The following WDFY4 variants were observed in gnomAD, a reference collection of about 807,000 sequenced individuals.
WDFY4 encodes the protein WDFY family member 4, also known as WD repeat- and FYVE domain-containing protein 4.
A neutral mutation model predicts 351.9 loss-of-function variants in WDFY4; 169 were observed. That is an observed-to-expected ratio of 0.48 (90% CI 0.42 to 0.55). WDFY4 has a LOEUF of 0.55. Ranked by LOEUF, WDFY4 falls within the 20% of genes least tolerant of loss-of-function variation. The pLI, the probability that WDFY4 is intolerant of heterozygous loss-of-function variation, is 0.00. For missense variants in WDFY4, 3,803 were observed against 3,935.6 expected, an observed-to-expected ratio of 0.97 and a Z score of 0.90; for synonymous variants, 1,622 against 1,574.6, an observed-to-expected ratio of 1.03 and a Z score of -0.71.
At chr10:48,846,477 G>A (rs769524631) in intron 39 of WDFY4, among the ~76,000 whole-genome samples, 2 of 152,212 alleles carry the variant, frequency 1.3e-5, no homozygotes, top group African/African-American at 2.4e-5. Context: ...TGCCCATCTT[G>A]AAGGCCTTCG....
chr10:48,777,566 G>A, intron 17 of WDFY4, 71 bp downstream of exon 17: 2 of 1,410,300 alleles, frequency 1.4e-6, no homozygotes, highest in South Asian at 1.2e-5. Flanking sequence ...AGCCTTGATT[G>A]CAGATTTTTA....
intron 39 of WDFY4, among the ~76,000 whole-genome samples, chr10:48,835,411 A>G (rs969200827): frequency 1.3e-5 from 2 of 152,158 alleles, no homozygotes; most frequent in African/African-American, 4.8e-5. Context: ...TCAGGCAGAG[A>G]GGACAGTTGG....
chr10:48,779,858 C>A, intron 18 of WDFY4, 83 bp from the exon 19 acceptor site: 1 of 1,477,782 alleles, frequency 6.8e-7, no homozygotes, highest in Non-Finnish European at 9.1e-7. Context: ...CAGTGGTTGA[C>A]GTCCGCCTAT....
At chr10:48,789,770 C>A in intron 21 of WDFY4, 104 bp from the exon 22 acceptor site, 1 of 1,009,950 alleles carries the variant, frequency 9.9e-7, no homozygotes, top group Non-Finnish European at 1.5e-6. Flanking sequence ...GATGGAGTGT[C>A]AGCACTGGGC....
At chr10:48,843,371 A>G (rs1237993751) in intron 39 of WDFY4, among the ~76,000 whole-genome samples, 3 of 152,196 alleles carry the variant, frequency 2.0e-5, no homozygotes, top group Non-Finnish European at 4.4e-5. Flanking sequence ...CAATATTTTA[A>G]TTTACTTAAA....
chr10:48,713,880 A>G (rs1187645385), intron 2 of WDFY4, among the ~76,000 whole-genome samples: 5 of 152,186 alleles, frequency 3.3e-5, no homozygotes, highest in African/African-American at 1.2e-4. Context: ...AAATGAGACT[A>G]AGAGATGAAA....
chr10:48,787,906 C>CTTTCT (rs1565198641), intron 20 of WDFY4, among the ~76,000 whole-genome samples: 1 of 32,310 alleles, frequency 3.1e-5, no homozygotes. Flanking sequence ...TCTTCTTCTT[C>CTTTCT]TTCTTCTTCT....
intron 2 of WDFY4, among the ~76,000 whole-genome samples, chr10:48,719,184 T>C (rs1252080837): frequency 2.6e-5 from 4 of 152,356 alleles, no homozygotes; most frequent in Admixed American, 1.3e-4. Context: ...GCAGTTATAT[T>C]ATGGCCTATC....
chr10:48,694,630 C>G (rs1005374979), intron 1 of WDFY4, among the ~76,000 whole-genome samples: 1 of 152,180 alleles, frequency 6.6e-6, no homozygotes. Flanking sequence ...CTCCGTGAGA[C>G]AAGCACCATG....
At chr10:48,914,070 T>C (rs1010209483) in intron 47 of WDFY4, 4 of 1,614,202 alleles carry the variant, frequency 2.5e-6, no homozygotes, top group Non-Finnish European at 2.5e-6. Context: ...AAGGCGCTTT[T>C]TCCCATCAAA....
At chr10:48,728,282 C>T (rs753564884) in intron 7 of WDFY4, among the ~76,000 whole-genome samples, 4 of 152,218 alleles carry the variant, frequency 2.6e-5, no homozygotes, top group Non-Finnish European at 5.9e-5. Flanking sequence ...GAAACCCAAG[C>T]TCAGACACCG....
chr10:48,911,290 G>A (rs1837978011), intron 47 of WDFY4, among the ~76,000 whole-genome samples: 1 of 152,198 alleles, frequency 6.6e-6, no homozygotes. Context: ...GTGCTGGCAA[G>A]GATGCCGGGA....
intron 57 of WDFY4, among the ~76,000 whole-genome samples, chr10:48,974,608 G>A (rs1294336218): frequency 6.6e-6 from 1 of 150,474 alleles, no homozygotes; most frequent in Non-Finnish European, 1.5e-5. Flanking sequence ...CTAGCCTCTG[G>A]TTGGGTTATA....
intron 24 of WDFY4, among the ~76,000 whole-genome samples, chr10:48,800,010 C>T (rs1414644093): frequency 6.6e-6 from 1 of 152,060 alleles, no homozygotes; most frequent in African/African-American, 2.4e-5. Flanking sequence ...CTCAGCCTCT[C>T]GAGTAGCTGG....
At chr10:48,756,797 G>C (rs2065351338) in intron 12 of WDFY4, among the ~76,000 whole-genome samples, 1 of 151,938 alleles carries the variant, frequency 6.6e-6, no homozygotes, top group Non-Finnish European at 1.5e-5. Context: ...TAGTCCAATT[G>C]GCCATAGTAC....
intron 28 of WDFY4, among the ~76,000 whole-genome samples, chr10:48,808,864 G>A (rs867344841): frequency 1.3e-5 from 2 of 152,112 alleles, no homozygotes; most frequent in African/African-American, 4.8e-5. Context: ...CTGTCCCCAG[G>A]GACCCAGAGG....
At position 48,787,935 on chromosome 10, in the gene WDFY4, T is replaced by C. The variant is rs556111102; in HGVS notation, c.3809-595T>C. ...TTCTTCTTCTTCTTCTTCTTCTTCT[T>C]CTTCTTCTTCTTCTTCTTCTTCTTC... On this transcript the variant is annotated intron_variant, in intron 20 of 61. Coordinates refer to ENST00000325239, the MANE Select transcript of WDFY4 (RefSeq NM_001394531.1). Among the ~76,000 whole-genome samples, 74 of 96,442 alleles carry C rather than the reference T, an allele frequency of 7.7e-4. 1 individual carries two copies. Among genetic ancestry groups the C allele is most frequent in the South Asian group, 2.7e-3 (7 of 2,572 alleles). 63.3% of individuals were successfully genotyped at this position (96,442 alleles called of 152,430 possible).
chr10:48,743,539 T>C lies in WDFY4; in HGVS notation c.2450T>C (p.Leu817Pro), dbSNP rs1392294053. ...CGCAACTTCAAGCAGTGGCCAGACC[T>C]GGAGGAGAGGTAGCTTCTTCTGCCA... ...PQRNFKQWPD[L>P]EERMDEGDAA... Residue 817 changes from leucine (L) to proline (P), a missense_variant, in exon 12 of 62, where the codon CTG (leucine) becomes CCG (proline). Transcript: ENST00000325239. 2 of 1,532,610 alleles carry C rather than the reference T, an allele frequency of 1.3e-6. No homozygotes were observed. Among genetic ancestry groups the C allele is most frequent in the Non-Finnish European group, 1.8e-6 (2 of 1,142,424 alleles). The allele number at this position is 1,532,610 out of a possible 1,614,324, so 94.9% of individuals were successfully genotyped here.
At chr10:48,968,811 G>A (rs952017701) in intron 55 of WDFY4, 2 of 497,026 alleles carry the variant, frequency 4.0e-6, no homozygotes, top group African/African-American at 1.9e-5. Context: ...TGGAGCTGAG[G>A]GAGGATGGGA....
Sources: allele counts gnomAD v4.1 joint callset (sites outside exome capture counted in the v4.1 genomes callset), GRCh38; gene constraint gnomAD v4.1.1; transcripts MANE v1.5; gene names NCBI Gene and HGNC (gene_info 2026-07-23, HGNC 2026-07-21).